Variants in CEP43 observed in about 807,000 individuals in gnomAD.
CEP43 encodes the protein centrosomal protein 43.
A neutral mutation model predicts 52.6 loss-of-function variants in CEP43; 36 were observed. The observed-to-expected ratio is 0.68, with a 90% confidence interval of 0.52 to 0.90. The LOEUF (loss-of-function observed/expected upper bound fraction) is 0.90, where lower values mean the gene tolerates loss of function less well. CEP43 is among the 40% of genes least tolerant of loss of function. The probability of loss-of-function intolerance (pLI) is 0.00; values close to 1 mark genes in which losing one functional copy is unlikely to be tolerated. For synonymous variants in CEP43, 192 were observed against 172.4 expected, an observed-to-expected ratio of 1.11 and a Z score of -0.89; for missense variants, 506 against 472.8, an observed-to-expected ratio of 1.07 and a Z score of -0.65.
chr6:167,040,099 AAC>A lies in CEP43; in HGVS notation c.*124_*125del. On this transcript the variant is annotated 3_prime_UTR_variant, in exon 13 of 13. Transcript: ENST00000366847. Reference sequence around the variant, plus strand: ...CTCTATTGGTGCCTTGCATTTCAAAAACACTGCAGATATTTTTTAAAAGTAAT... The same window carrying A: ...CTCTATTGGTGCCTTGCATTTCAAAAACTGCAGATATTTTTTAAAAGTAAT... 1 of 1,599,302 alleles carries A rather than the reference AAC, an allele frequency of 6.3e-7. No homozygotes were observed. Among genetic ancestry groups the A allele is most frequent in the Non-Finnish European group, 8.5e-7 (1 of 1,171,904 alleles).
At chr6:167,030,817 G>T (rs1322789220) in intron 10 of CEP43, among the ~76,000 whole-genome samples, 1 of 151,862 alleles carries the variant, frequency 6.6e-6, no homozygotes, top group Non-Finnish European at 1.5e-5. Flanking sequence ...AAGTGAGGTA[G>T]TGCTACCCTG....
chr6:167,004,552 C>T, intron 5 of CEP43, 151 bp downstream of exon 5: 1 of 585,418 alleles, frequency 1.7e-6, no homozygotes, highest in South Asian at 4.0e-5. Flanking sequence ...TGTATCAATG[C>T]AAATTTTAAT....
intron 8 of CEP43, among the ~76,000 whole-genome samples, chr6:167,023,072 G>C (rs963719645): frequency 6.6e-6 from 1 of 152,164 alleles, no homozygotes; most frequent in African/African-American, 2.4e-5. Flanking sequence ...TCACTTGGAG[G>C]TGCCCAGTGA....
intron 12 of CEP43, chr6:167,036,447 C>T (rs771779327): frequency 2.7e-5 from 27 of 985,200 alleles, no homozygotes; most frequent in Middle Eastern, 5.2e-4. Flanking sequence ...AGTCTCTGCA[C>T]GGGAGCCAGC....
chr6:167,042,203 A>T lies in CEP43; in HGVS notation c.*2225A>T. On this transcript the variant is annotated 3_prime_UTR_variant, in exon 13 of 13. Coordinates refer to ENST00000366847, the MANE Select transcript of CEP43 (RefSeq NM_007045.4). ...TTCTTTTCACATGTACTTTTTGATT[A>T]GGTATTATCAACTTATGAAACTTGA... 2.0e-6 allele frequency: 2 copies of T among 1,005,828 alleles called. No homozygotes were observed. The highest frequency in any genetic ancestry group is 1.2e-6 in the Non-Finnish European group (1 of 840,898). The allele number at this position is 1,005,828 out of a possible 1,614,324, so 62.3% of individuals were successfully genotyped here.
intron 1 of CEP43, chr6:166,999,724 A>G (rs1007290936): frequency 4.1e-6 from 2 of 483,600 alleles, no homozygotes; most frequent in Non-Finnish European, 7.2e-6. Flanking sequence ...GGCACCGCGG[A>G]CTGGGGGTGC....
chr6:167,028,639 C>A, intron 10 of CEP43: 1 of 272,864 alleles, frequency 3.7e-6, no homozygotes, highest in Non-Finnish European at 5.6e-6. Flanking sequence ...GGCACTGTAC[C>A]AAGGAATTAT....
chr6:167,036,952 G>A (rs944194035), intron 12 of CEP43: 9 of 162,318 alleles, frequency 5.5e-5, no homozygotes, highest in Middle Eastern at 6.0e-3. Context: ...CCACAGGCAT[G>A]TACCACCATG....
At position 167,045,404 on chromosome 6, in the gene CEP43, T is replaced by TGA. The variant is rs1484863777; in HGVS notation, c.*5428_*5429dup. 2.8e-5 allele frequency: 4 copies of TGA among 144,210 alleles called. No individual in the cohort carries two copies. The highest frequency in any genetic ancestry group is 7.5e-5 in the African/African-American group (3 of 39,984). 8.9% of individuals were successfully genotyped at this position (144,210 alleles called of 1,614,324 possible). A position where few individuals can be genotyped will look rare whatever the true frequency, so the allele number is the denominator to read the frequency against. On this transcript the variant is annotated 3_prime_UTR_variant, in exon 13 of 13. Coordinates refer to ENST00000366847, the MANE Select transcript of CEP43 (RefSeq NM_007045.4). ...TCCCAAAGTGCTGGGATTACAGGCA[T>TGA]GAGCCACTGTACCCAGCCCTGTATT...
intron 7 of CEP43, among the ~76,000 whole-genome samples, chr6:167,017,022 GTC>G (rs551501410): frequency 0.025 from 3,706 of 149,676 alleles, 167 homozygotes; most frequent in African/African-American, 0.088. Context: ...TTGAGATGGA[GTC>G]TCTCTCTGTC....
chr6:167,013,905 G>A (rs1043205473), intron 7 of CEP43, among the ~76,000 whole-genome samples: 1 of 152,202 alleles, frequency 6.6e-6, no homozygotes, highest in African/African-American at 2.4e-5. Context: ...CCCGGGAAGC[G>A]GAGGTTGCAG....
chr6:167,032,594 ACTTAT>A lies in CEP43; in HGVS notation c.989-7_989-3del, dbSNP rs1488962032. 6.4e-7 allele frequency: 1 copy of A among 1,568,910 alleles called. No individual in the cohort carries two copies. The highest frequency in any genetic ancestry group is 1.2e-5 in the South Asian group (1 of 82,506). On this transcript the variant is annotated splice_polypyrimidine_tract_variant and splice_region_variant and intron_variant, in intron 10 of 12. Coordinates refer to ENST00000366847, the MANE Select transcript of CEP43 (RefSeq NM_007045.4). ...TTAGATATAACATATCTTTTCTTAA[ACTTAT>A]CAGGAACTGGAGAAGATGATGACTA...
In CEP43 at chr6:167,040,315, C is replaced by A; in HGVS notation, c.*337C>A. 1 of 1,436,706 alleles carries A rather than the reference C, an allele frequency of 7.0e-7. No homozygotes were observed. The highest frequency in any genetic ancestry group is 9.1e-7 in the Non-Finnish European group (1 of 1,102,996). The allele number at this position is 1,436,706 out of a possible 1,614,324, so 89.0% of individuals were successfully genotyped here. On this transcript the variant is annotated 3_prime_UTR_variant, in exon 13 of 13. Coordinates refer to ENST00000366847, the MANE Select transcript of CEP43 (RefSeq NM_007045.4). ...GTGTCAATAAAGCCGTAGGATCGCG[C>A]AACCCTTTGTGTGTGTGGCTGCTGG...
intron 7 of CEP43, among the ~76,000 whole-genome samples, chr6:167,020,089 A>T (rs564845895): frequency 2.0e-5 from 3 of 152,364 alleles, no homozygotes; most frequent in Non-Finnish European, 4.4e-5. Context: ...TAAAAATCAG[A>T]AATTACAACT....
chr6:167,028,823 A>G (rs1780407711), intron 10 of CEP43, among the ~76,000 whole-genome samples: 1 of 152,242 alleles, frequency 6.6e-6, no homozygotes, highest in Non-Finnish European at 1.5e-5. Flanking sequence ...ACATATTGAA[A>G]TAATCATTTC....
At chr6:167,023,108 G>A (rs1287893452) in intron 8 of CEP43, among the ~76,000 whole-genome samples, 2 of 152,206 alleles carry the variant, frequency 1.3e-5, no homozygotes, top group Non-Finnish European at 2.9e-5. Flanking sequence ...AGGTAAGGGA[G>A]TTGCCGTGGG....
At chr6:167,039,866 C>G in intron 12 of CEP43, 38 bp from the exon 13 acceptor site, 1 of 1,608,870 alleles carries the variant, frequency 6.2e-7, no homozygotes, top group Non-Finnish European at 8.5e-7. Context: ...TACTCACATT[C>G]TGACACTTAA....
Position 167,041,853 on chromosome 6 carries a change from T to A in CEP43, c.*1875T>A. On this transcript the variant is annotated 3_prime_UTR_variant, in exon 13 of 13. Transcript: ENST00000366847. Reference sequence around the variant, plus strand: ...TGCGGGGGGCGGGGGGGACAGAGTCTCACTGTGTCACTCAGACTGGAGTAC... The same window carrying A: ...TGCGGGGGGCGGGGGGGACAGAGTCACACTGTGTCACTCAGACTGGAGTAC... 1 of 869,754 alleles carries A rather than the reference T, an allele frequency of 1.1e-6. No homozygotes were observed. 53.9% of individuals were successfully genotyped at this position (869,754 alleles called of 1,614,324 possible).
intron 2 of CEP43, among the ~76,000 whole-genome samples, chr6:167,000,732 T>A (rs1252772103): frequency 6.6e-6 from 1 of 152,232 alleles, no homozygotes; most frequent in Non-Finnish European, 1.5e-5. Flanking sequence ...TCTAATTTCA[T>A]CAAAATCTTC....
Sources: allele counts gnomAD v4.1 joint callset (sites outside exome capture counted in the v4.1 genomes callset), GRCh38; gene constraint gnomAD v4.1.1; transcripts MANE v1.5; gene names NCBI Gene and HGNC (gene_info 2026-07-23, HGNC 2026-07-21).